CFAP61: variants seen among roughly 807,000 people sequenced by gnomAD.
The protein encoded by CFAP61 is cilia- and flagella-associated protein 61.
CFAP61 carries 107 observed loss-of-function variants against 135.6 expected under a neutral mutation model. The ratio of observed to expected loss-of-function variants is 0.79; its 90% confidence interval spans 0.67 to 0.93. The LOEUF is 0.93. Ranked by LOEUF, CFAP61 falls within the 40% of genes least tolerant of loss-of-function variation. CFAP61 has a pLI of 0.00. For missense variants in CFAP61, 1,507 were observed against 1,556.2 expected (o/e 0.97, Z 0.53); for synonymous variants, 575 against 578.5 (o/e 0.99, Z 0.09).
intron 8 of CFAP61, among the ~76,000 whole-genome samples, chr20:20,105,550 G>A (rs2048324168): frequency 6.6e-6 from 1 of 152,168 alleles, no homozygotes; most frequent in East Asian, 1.9e-4. Context: ...GCAGACAGTG[G>A]CAGCAAAGTC....
intron 25 of CFAP61, among the ~76,000 whole-genome samples, chr20:20,309,661 C>A (rs1335808106): frequency 3.3e-5 from 5 of 152,028 alleles, no homozygotes; most frequent in Non-Finnish European, 7.4e-5. Context: ...TTAGTAAAAG[C>A]AGTTGTTGTG....
chr20:20,251,734 C>G lies in CFAP61; in HGVS notation c.2299C>G (p.Leu767Val). ...STDEIVPYDH[L>V]ILCTGQQYQV... ...GGACGAGATCGTGCCCTACGACCAC[C>G]TCATCCTCTGCACCGGGCAGCAGTA... is the stretch of plus-strand genomic sequence containing the variant. The change falls in exon 20 of 27, where the codon CTC becomes GTC. Residue 767 changes from leucine to valine, a missense_variant. Physicochemically the swap from Leu to Val is conservative, Grantham distance 32. Coordinates refer to ENST00000245957, the MANE Select transcript of CFAP61 (RefSeq NM_015585.4). 6.2e-7 allele frequency: 1 copy of G among 1,613,988 alleles called. No homozygotes were observed.
chr20:20,277,019 C>T, intron 21 of CFAP61, 147 bp from the exon 22 acceptor site: 1 of 582,158 alleles, frequency 1.7e-6, no homozygotes, highest in South Asian at 2.3e-5. Flanking sequence ...ACTAAATGAT[C>T]TTGGTCGCCG....
rs1246246514 is a variant in CFAP61 at position 20,098,717 on chromosome 20, T to C, written c.762T>C (p.His254=). The change falls in exon 8 of 27, where the codon CAT becomes CAC. Residue 254 remains histidine (H), a synonymous_variant. Transcript: ENST00000245957. The part of the protein sequence containing the change: ...VCSRVNMQLL[H]ECFDLGPFHG... The stretch of plus-strand genomic sequence containing the variant: ...CAAGAGTGAACATGCAACTGCTGCA[T>C]GAGTGCTTTGACTTGGGCCCTTTCC... The C allele has an allele frequency of 6.2e-7, 1 of 1,613,770 alleles. No homozygotes were observed. The highest frequency in any genetic ancestry group is 1.3e-5 in the African/African-American group (1 of 74,852).
In CFAP61 at chr20:20,052,603, C is replaced by T; in HGVS notation, c.-37+12C>T. ...GAGCTGCGGATGAGGTGGGTAACGC[C>T]GTGCTGACTAGCAGCGACGCAAGGA... is the stretch of plus-strand genomic sequence containing the variant. On this transcript the variant is annotated intron_variant, in intron 1 of 26. Coordinates refer to ENST00000245957, the MANE Select transcript of CFAP61 (RefSeq NM_015585.4). 1 of 1,613,780 alleles carries T rather than the reference C, an allele frequency of 6.2e-7. No individual in the cohort carries two copies. The highest frequency in any genetic ancestry group is 1.1e-5 in the South Asian group (1 of 91,062).
At position 20,323,645 on chromosome 20, in the gene CFAP61, C is replaced by T. The variant is rs548138789; in HGVS notation, c.3423-18186C>T. Reference sequence around the variant, plus strand: ...CACCTAGAAAGAAGCCATGTAAAAACCTAAACTGCAGAGCTAAATTTCTAG... The same window carrying T: ...CACCTAGAAAGAAGCCATGTAAAAATCTAAACTGCAGAGCTAAATTTCTAG... On this transcript the variant is annotated intron_variant, in intron 25 of 26. Coordinates refer to ENST00000245957, the MANE Select transcript of CFAP61 (RefSeq NM_015585.4). Among the ~76,000 whole-genome samples the T allele has an allele frequency of 3.3e-5, 5 of 152,220 alleles. No homozygotes were observed. The South Asian group carries it at 1.0e-3, about 32-fold the overall frequency.
intron 17 of CFAP61, among the ~76,000 whole-genome samples, chr20:20,204,359 CG>C (rs2056768139): frequency 6.6e-6 from 1 of 151,996 alleles, no homozygotes; most frequent in South Asian, 2.1e-4. Context: ...AGAAAAATGA[CG>C]GCTTATGGAG....
chr20:20,140,692 G>A (rs1018223522), intron 8 of CFAP61, among the ~76,000 whole-genome samples: 32 of 146,880 alleles, frequency 2.2e-4, no homozygotes, highest in Non-Finnish European at 3.4e-4. Flanking sequence ...AATACCATTT[G>A]ACCCAGCCAT....
At chr20:20,330,530 T>C (rs1569303962) in intron 25 of CFAP61, among the ~76,000 whole-genome samples, 1 of 152,182 alleles carries the variant, frequency 6.6e-6, no homozygotes, top group Non-Finnish European at 1.5e-5. Context: ...AGAGACAGGG[T>C]TTCACCATGT....
At chr20:20,137,211 G>A (rs2050998450) in intron 8 of CFAP61, among the ~76,000 whole-genome samples, 1 of 152,192 alleles carries the variant, frequency 6.6e-6, no homozygotes, top group South Asian at 2.1e-4. Context: ...CAAACCTTAA[G>A]GCAGCACAGC....
At chr20:20,341,777 A>G (rs2058452250) in intron 25 of CFAP61, 54 bp from the exon 26 acceptor site, 12 of 1,242,318 alleles carry the variant, frequency 9.7e-6, no homozygotes, top group Non-Finnish European at 1.3e-5. Context: ...TAAATACTTT[A>G]TTAGTGGTAA....
Position 20,208,439 on chromosome 20 carries a change from G to A in CFAP61, c.1932+8537G>A, listed in dbSNP as rs74319850. Among the ~76,000 whole-genome samples the A allele has an allele frequency of 4.3e-3, 656 of 152,290 alleles. 10 individuals are homozygous for A. Among genetic ancestry groups the A allele is most frequent in the African/African-American group, 0.015 (626 of 41,550 alleles). On this transcript the variant is annotated intron_variant, in intron 17 of 26. Coordinates refer to ENST00000245957, the MANE Select transcript of CFAP61 (RefSeq NM_015585.4). The stretch of plus-strand genomic sequence containing the variant: ...TCCAAGGGTTAGACTCCCCTGACCC[G>A]CTGCTGAAGCCTGCAGCACATAGGA...
intron 25 of CFAP61, chr20:20,322,598 G>T (rs185019083): frequency 2.5e-5 from 16 of 636,634 alleles, no homozygotes; most frequent in Middle Eastern, 8.1e-4. Flanking sequence ...GAGGGAAGTG[G>T]TATATATTTG....
rs115668571 is a variant in CFAP61 at position 20,161,364 on chromosome 20, C to T, written c.1026+1920C>T. The stretch of plus-strand genomic sequence containing the variant: ...TCCTATTTTTATCTCCTCTCCCTAC[C>T]GGAGAAAAACACTGAAATGACAGTA... On this transcript the variant is annotated intron_variant, in intron 10 of 26. Transcript: ENST00000245957. 7.9e-3 allele frequency among the ~76,000 whole-genome samples: 1,198 copies of T among 152,080 alleles called. 10 individuals are homozygous for T. The highest frequency in any genetic ancestry group is 0.027 in the African/African-American group (1,106 of 41,460).
chr20:20,356,151 C>T (rs1602175928), intron 26 of CFAP61, among the ~76,000 whole-genome samples: 2 of 123,306 alleles, frequency 1.6e-5, no homozygotes, highest in African/African-American at 3.1e-5. Flanking sequence ...GAGGTGGTCA[C>T]ACTGAGGGGA....
chr20:20,169,533 C>T lies in CFAP61; in HGVS notation c.1385+73C>T, dbSNP rs191463686. ...AGAGAAGGGAACAAGGAACTCCCTG[C>T]TATTATAATTTAATAATTTATTTTA... On this transcript the variant is annotated intron_variant, in intron 13 of 26. Coordinates refer to ENST00000245957, the MANE Select transcript of CFAP61 (RefSeq NM_015585.4). 6.3e-6 allele frequency: 8 copies of T among 1,275,512 alleles called. No homozygotes were observed. In the African/African-American group the frequency reaches 1.1e-4, roughly 17 times the overall value. 79.0% of individuals were successfully genotyped at this position (1,275,512 alleles called of 1,614,324 possible).
chr20:20,198,398 A>G (rs1465423356), intron 16 of CFAP61, among the ~76,000 whole-genome samples: 1 of 152,242 alleles, frequency 6.6e-6, no homozygotes, highest in Non-Finnish European at 1.5e-5. Flanking sequence ...GCATTTCATT[A>G]AATGTTTATA....
intron 25 of CFAP61, among the ~76,000 whole-genome samples, chr20:20,338,372 AG>A (rs1454502372): frequency 5.9e-5 from 9 of 152,206 alleles, no homozygotes; most frequent in African/African-American, 2.2e-4. Flanking sequence ...TGTAGGCGTG[AG>A]TGTCAGCTGG....
chr20:20,308,666 A>G (rs1022592976), intron 25 of CFAP61, among the ~76,000 whole-genome samples: 1 of 152,206 alleles, frequency 6.6e-6, no homozygotes, highest in African/African-American at 2.4e-5. Flanking sequence ...GATTACTAAC[A>G]TACTGTCTTG....
Sources: allele counts gnomAD v4.1 joint callset (sites outside exome capture counted in the v4.1 genomes callset), GRCh38; gene constraint gnomAD v4.1.1; transcripts MANE v1.5; gene names NCBI Gene and HGNC (gene_info 2026-07-23, HGNC 2026-07-21).